Variants in AGPAT3 observed in about 807,000 individuals in gnomAD.
The protein encoded by AGPAT3 is 1-acylglycerol-3-phosphate O-acyltransferase 3.
In AGPAT3, 5 loss-of-function variants were observed where a neutral mutation model predicts 47.3. The observed-to-expected ratio is 0.11, with a 90% CI of 0.06 to 0.22. The LOEUF (loss-of-function observed/expected upper bound fraction) is 0.22. Among genes scored for constraint, AGPAT3 ranks in the 10% least tolerant of loss-of-function variants. The pLI, the probability that AGPAT3 is intolerant of heterozygous loss-of-function variation, is 1.00. For missense variants in AGPAT3, 315 were observed against 493.0 expected (o/e 0.64, Z 3.42); for synonymous variants, 212 against 208.3 (o/e 1.02, Z -0.15).
chr21:43,974,709 G>A (rs1002614088), intron 7 of AGPAT3, among the ~76,000 whole-genome samples: 1 of 152,038 alleles, frequency 6.6e-6, no homozygotes, highest in Non-Finnish European at 1.5e-5. Flanking sequence ...TGTGTGGTGT[G>A]TATAAATTGT....
intron 7 of AGPAT3, 122 bp from the exon 8 acceptor site, chr21:43,977,924 G>T: frequency 1.6e-6 from 1 of 637,730 alleles, no homozygotes. Context: ...TTGAGAGTGA[G>T]ATGTGACAGA....
intron 2 of AGPAT3, among the ~76,000 whole-genome samples, chr21:43,913,085 G>A (rs2086660557): frequency 6.6e-6 from 1 of 152,206 alleles, no homozygotes; most frequent in African/African-American, 2.4e-5. Flanking sequence ...TGTGCTGCCT[G>A]TCAAGCCTTC....
At chr21:43,923,276 T>C (rs1013991895) in intron 2 of AGPAT3, among the ~76,000 whole-genome samples, 4 of 152,182 alleles carry the variant, frequency 2.6e-5, no homozygotes, top group Admixed American at 6.5e-5. Context: ...TCCAGATTCA[T>C]GCACTCGGGG....
At chr21:43,931,650 C>G (rs565479776) in intron 2 of AGPAT3, among the ~76,000 whole-genome samples, 1 of 152,016 alleles carries the variant, frequency 6.6e-6, no homozygotes, top group African/African-American at 2.4e-5. Context: ...AGAACTGCCG[C>G]GTGCTTCAGC....
intron 2 of AGPAT3, among the ~76,000 whole-genome samples, chr21:43,949,928 T>A (rs1182764356): frequency 6.6e-6 from 1 of 152,212 alleles, no homozygotes; most frequent in Non-Finnish European, 1.5e-5. Flanking sequence ...TGTAAGCACT[T>A]GCGCTGGGCT....
intron 2 of AGPAT3, among the ~76,000 whole-genome samples, chr21:43,928,870 C>G (rs1430759067): frequency 6.6e-6 from 1 of 152,200 alleles, no homozygotes; most frequent in African/African-American, 2.4e-5. Flanking sequence ...CACACCAATC[C>G]TCTTTTTGCC....
rs1316535470 is a variant in AGPAT3, at chr21:43,939,450, G to A, written c.-48-20184G>A. 2.0e-5 allele frequency among the ~76,000 whole-genome samples: 3 copies of A among 152,208 alleles called. No individual in the cohort carries two copies. The highest frequency in any genetic ancestry group is 6.5e-5 in the Admixed American group (1 of 15,290). On this transcript the variant is annotated intron_variant, in intron 2 of 9. Transcript: ENST00000291572. The surrounding 1 kb of genome is among the most constrained non-coding windows in gnomAD (Gnocchi z 4.4). ...TCAGATTGAGAGGTTTCAGGCTGGA[G>A]TGACATGGAGGGACGTGCCTGACTT... is the stretch of plus-strand genomic sequence containing the variant.
intron 2 of AGPAT3, among the ~76,000 whole-genome samples, chr21:43,938,207 T>G (rs573392169): frequency 6.6e-6 from 1 of 152,072 alleles, no homozygotes; most frequent in Admixed American, 6.6e-5. Flanking sequence ...TTCCATGATG[T>G]GCATGTTACG....
At position 43,912,735 on chromosome 21, in the gene AGPAT3, TC is replaced by T. The variant is rs1306616671; in HGVS notation, c.-49+8718del. On this transcript the variant is annotated intron_variant, in intron 2 of 9. Coordinates refer to ENST00000291572, the MANE Select transcript of AGPAT3 (RefSeq NM_020132.5). Reference sequence around the variant, plus strand: ...TAATTGGTCTTCTATAGTAAACCATTCCTGTGTCCCGGGATAAACCATATGT... The same window carrying T: ...TAATTGGTCTTCTATAGTAAACCATTCTGTGTCCCGGGATAAACCATATGT... 2.6e-5 allele frequency among the ~76,000 whole-genome samples: 4 copies of T among 152,368 alleles called. No individual in the cohort carries two copies. In the East Asian group the frequency reaches 7.7e-4, roughly 29 times the overall value.
rs2087344952 is a variant in AGPAT3, at chr21:43,933,932, CT to C, written c.-48-25700del. Reference sequence around the variant, plus strand: ...GTCTGTGGGTGCACGAGAGGAGGCCCTTGGTCTGGAACAGCCTGGGGTCCCC... The same window carrying C: ...GTCTGTGGGTGCACGAGAGGAGGCCCTGGTCTGGAACAGCCTGGGGTCCCC... On this transcript the variant is annotated intron_variant, in intron 2 of 9. Coordinates refer to ENST00000291572, the MANE Select transcript of AGPAT3 (RefSeq NM_020132.5). This position sits in a 1 kb window ranked among gnomAD's most constrained non-coding sequence, Gnocchi z 6.0. Among the ~76,000 whole-genome samples the C allele has an allele frequency of 6.6e-6, 1 of 152,150 alleles. No individual in the cohort carries two copies. The highest frequency in any genetic ancestry group is 1.9e-4 in the East Asian group (1 of 5,206).
In AGPAT3 at chr21:43,932,758, CT is replaced by C. The variant is rs1191386557; in HGVS notation, c.-48-26872del. Among the ~76,000 whole-genome samples, 2 of 152,250 alleles carry C rather than the reference CT, an allele frequency of 1.3e-5. No individual in the cohort carries two copies. Among genetic ancestry groups the C allele is most frequent in the Admixed American group, 1.3e-4 (2 of 15,290 alleles). On this transcript the variant is annotated intron_variant, in intron 2 of 9. Transcript: ENST00000291572. This position sits in a 1 kb window ranked among gnomAD's most constrained non-coding sequence, Gnocchi z 5.2. ...CTCCGCCTCTTGGGTTCAAGCGATTCTTTTGCTTCAGCCTCCCGAGTAGCTG... is the reference window on the plus strand; with the variant it reads ...CTCCGCCTCTTGGGTTCAAGCGATTCTTTGCTTCAGCCTCCCGAGTAGCTG...
chr21:43,971,577 A>G lies in AGPAT3; in HGVS notation c.767+87A>G, dbSNP rs1417311680. ...AGAGGCCAGGAGGGTGGCTGGGTCC[A>G]GGCCCCACGTCCCACAGCCCCGCAG... On this transcript the variant is annotated intron_variant, in intron 7 of 9. Coordinates refer to ENST00000291572, the MANE Select transcript of AGPAT3 (RefSeq NM_020132.5). 6 of 1,263,102 alleles carry G rather than the reference A, an allele frequency of 4.8e-6. No homozygotes were observed. In the East Asian group the frequency reaches 9.3e-5, roughly 20 times the overall value. 78.2% of individuals were successfully genotyped at this position (1,263,102 alleles called of 1,614,324 possible).
intron 6 of AGPAT3, 121 bp from the exon 7 acceptor site, chr21:43,971,267 A>G: frequency 1.3e-6 from 1 of 788,836 alleles, no homozygotes; most frequent in South Asian, 1.6e-5. Flanking sequence ...GGACGGGGCC[A>G]GACCCCTCAC....
intron 7 of AGPAT3, among the ~76,000 whole-genome samples, chr21:43,971,729 T>C (rs893524823): frequency 2.0e-5 from 3 of 152,214 alleles, no homozygotes; most frequent in African/African-American, 4.8e-5. Flanking sequence ...ACGGGGGATG[T>C]GTGGGGAGAC....
At chr21:43,971,160 G>C (rs1400770387) in intron 6 of AGPAT3, among the ~76,000 whole-genome samples, 2 of 152,176 alleles carry the variant, frequency 1.3e-5, no homozygotes, top group Admixed American at 1.3e-4. Context: ...CAGTACCCAT[G>C]GGAAACGTCA....
chr21:43,939,113 C>G lies in AGPAT3; in HGVS notation c.-48-20521C>G, dbSNP rs936749646. ...AGGGGAGCATCCTGGGCAAACCCTGCTGGGGACAGGTTCGTTGTGTCTGAT... is the reference window on the plus strand; with the variant it reads ...AGGGGAGCATCCTGGGCAAACCCTGGTGGGGACAGGTTCGTTGTGTCTGAT... On this transcript the variant is annotated intron_variant, in intron 2 of 9. Transcript: ENST00000291572. The surrounding 1 kb of genome is among the most constrained non-coding windows in gnomAD (Gnocchi z 4.4). Among the ~76,000 whole-genome samples, 2 of 152,194 alleles carry G rather than the reference C, an allele frequency of 1.3e-5. No homozygotes were observed. The highest frequency in any genetic ancestry group is 4.8e-5 in the African/African-American group (2 of 41,440).
Position 43,884,188 on chromosome 21 carries a change from G to A in AGPAT3, c.-112+18843G>A, listed in dbSNP as rs531424031. 5.5e-4 allele frequency among the ~76,000 whole-genome samples: 83 copies of A among 152,180 alleles called. 1 individual carries two copies. Among genetic ancestry groups the A allele is most frequent in the African/African-American group, 1.8e-3 (74 of 41,516 alleles). On this transcript the variant is annotated intron_variant, in intron 1 of 9. Transcript: ENST00000291572. ...TAGTCCCCAGTGCTGGAGGCCTGTCGAAAGTGTAGCTCCACCACGCCCTTT... is the reference window on the plus strand; with the variant it reads ...TAGTCCCCAGTGCTGGAGGCCTGTCAAAAGTGTAGCTCCACCACGCCCTTT...
chr21:43,933,632 G>A lies in AGPAT3; in HGVS notation c.-48-26002G>A, dbSNP rs1365942845. On this transcript the variant is annotated intron_variant, in intron 2 of 9. Coordinates refer to ENST00000291572, the MANE Select transcript of AGPAT3 (RefSeq NM_020132.5). The surrounding 1 kb of genome is among the most constrained non-coding windows in gnomAD (Gnocchi z 6.0). ...GGTTGAGGAAACTGAGGCACAGCTT[G>A]GAAGCGGTTGGCACTGGGGTTAGGC... is the stretch of plus-strand genomic sequence containing the variant. Among the ~76,000 whole-genome samples, 2 of 152,040 alleles carry A rather than the reference G, an allele frequency of 1.3e-5. No homozygotes were observed. Among genetic ancestry groups the A allele is most frequent in the Non-Finnish European group, 2.9e-5 (2 of 68,032 alleles).
chr21:43,969,702 G>C (rs2146767423), intron 5 of AGPAT3, among the ~76,000 whole-genome samples: 1 of 152,228 alleles, frequency 6.6e-6, no homozygotes, highest in East Asian at 1.9e-4. Context: ...GTTTTTGTGT[G>C]TGTGTGTGTG....
Sources: gnomAD v4.1 joint callset for allele counts (sites outside exome capture counted in the v4.1 genomes callset) on GRCh38, gnomAD v4.1.1 for gene constraint, Gnocchi (gnomAD v3.1) non-coding constraint, MANE v1.5 for transcripts, NCBI Gene and HGNC (gene_info 2026-07-23, HGNC 2026-07-21) for gene names.